CDH11: variants seen among roughly 807,000 people sequenced by gnomAD.
CDH11 encodes cadherin-11.
Under a neutral mutation model 67.8 loss-of-function variants are expected in CDH11, and 11 were observed. The observed-to-expected ratio is 0.16, with a 90% CI of 0.10 to 0.27. CDH11 has a LOEUF of 0.27. Ranked by LOEUF, CDH11 falls within the 10% of genes least tolerant of loss-of-function variation. CDH11 has a pLI of 1.00. For synonymous variants in CDH11, 419 were observed against 400.0 expected (o/e 1.05, Z -0.57); for missense variants, 847 against 1,031.2 (o/e 0.82, Z 2.45).
At chr16:65,058,038 C>T (rs13331791) in intron 1 of CDH11, among the ~76,000 whole-genome samples, 6,518 of 152,162 alleles carry the variant, frequency 0.043, 489 homozygotes, top group African/African-American at 0.15. Context: ...AGTTCAAGAC[C>T]AGCCTGGGCA....
At chr16:65,095,907 C>T (rs2074882067) in intron 1 of CDH11, among the ~76,000 whole-genome samples, 1 of 152,186 alleles carries the variant, frequency 6.6e-6, no homozygotes, top group African/African-American at 2.4e-5. Context: ...CTGCCTCTTC[C>T]ACTATTTGAG....
upstream of CDH11, chr16:65,122,151 G>GTTGT: frequency 4.2e-6 from 2 of 476,946 alleles, no homozygotes; most frequent in South Asian, 2.2e-5. Flanking sequence ...GGGGCGGGAG[G>GTTGT]AGGGAGGCTG....
At chr16:64,965,323 A>G (rs1413685579) in intron 11 of CDH11, among the ~76,000 whole-genome samples, 1 of 151,852 alleles carries the variant, frequency 6.6e-6, no homozygotes, top group East Asian at 1.9e-4. Context: ...TGGAGGCTAC[A>G]GTGAGCCGAG....
At chr16:64,983,481 G>T (rs2072408353) in intron 7 of CDH11, among the ~76,000 whole-genome samples, 1 of 152,184 alleles carries the variant, frequency 6.6e-6, no homozygotes, top group African/African-American at 2.4e-5. Flanking sequence ...CCATGCTGTT[G>T]TCATTTGCCT....
At chr16:64,948,646 A>T (rs751533850) in intron 12 of CDH11, 3 of 1,612,036 alleles carry the variant, frequency 1.9e-6, no homozygotes, top group Non-Finnish European at 2.5e-6. Context: ...CACCACATAG[A>T]GGAAAGGAAG....
chr16:64,988,491 G>A (rs555418411), intron 6 of CDH11, 147 bp from the exon 7 acceptor site: 5 of 692,666 alleles, frequency 7.2e-6, no homozygotes, highest in South Asian at 4.1e-5. Flanking sequence ...AGTGGATGTG[G>A]GGAGGAGGAT....
chr16:65,047,552 A>T (rs1021228811), intron 2 of CDH11, among the ~76,000 whole-genome samples: 7 of 151,904 alleles, frequency 4.6e-5, no homozygotes, highest in Non-Finnish European at 1.5e-5. Context: ...GGATTTCACC[A>T]TGTTGGCCAG....
intron 1 of CDH11, among the ~76,000 whole-genome samples, chr16:65,088,476 T>C (rs926965883): frequency 4.6e-5 from 7 of 152,200 alleles, no homozygotes; most frequent in African/African-American, 1.7e-4. Flanking sequence ...ACAATTTTCA[T>C]CATGCATCTG....
chr16:65,098,837 G>A (rs1269181423), intron 1 of CDH11, among the ~76,000 whole-genome samples: 1 of 152,156 alleles, frequency 6.6e-6, no homozygotes, highest in Non-Finnish European at 1.5e-5. Flanking sequence ...AGTATGCCAT[G>A]TGATTTGGTG....
At chr16:65,104,792 G>A (rs17510737) in intron 1 of CDH11, among the ~76,000 whole-genome samples, 18,448 of 152,124 alleles carry the variant, frequency 0.12, 1,293 homozygotes, top group East Asian at 0.2. Context: ...ATTATGGAGA[G>A]GATGTAAGAT....
chr16:64,990,201 T>G (rs911434557), intron 6 of CDH11, among the ~76,000 whole-genome samples: 1 of 152,218 alleles, frequency 6.6e-6, no homozygotes, highest in African/African-American at 2.4e-5. Flanking sequence ...CTAATAATTC[T>G]GCTTGACCTT....
intron 2 of CDH11, among the ~76,000 whole-genome samples, chr16:65,026,246 T>C (rs1294092529): frequency 6.6e-6 from 1 of 152,186 alleles, no homozygotes; most frequent in East Asian, 1.9e-4. Flanking sequence ...TTGCATACAT[T>C]TTCAGAAAAA....
chr16:64,946,837 A>G lies in CDH11; in HGVS notation c.*766T>C. On this transcript the variant is annotated 3_prime_UTR_variant, in exon 13 of 13. Transcript: ENST00000268603. ...GCTTCTTATATTGAAGCTCATATTA[A>G]AGCAACAGTACAATGTTCATAAAAT... The G allele has an allele frequency of 1.2e-6, 1 of 861,332 alleles. No individual in the cohort carries two copies. Among genetic ancestry groups the G allele is most frequent in the Non-Finnish European group, 1.4e-6 (1 of 705,738 alleles). 53.4% of individuals were successfully genotyped at this position (861,332 alleles called of 1,614,324 possible).
At chr16:65,013,762 G>C (rs1378257066) in intron 2 of CDH11, among the ~76,000 whole-genome samples, 1 of 152,044 alleles carries the variant, frequency 6.6e-6, no homozygotes, top group Non-Finnish European at 1.5e-5. Context: ...AGGAGGTGGA[G>C]GTTGCAGTGA....
chr16:64,969,873 C>A (rs954620296), intron 11 of CDH11, among the ~76,000 whole-genome samples: 12 of 152,102 alleles, frequency 7.9e-5, no homozygotes, highest in Non-Finnish European at 1.5e-4. Context: ...ATATGTGTGT[C>A]CCATGAGGGT....
chr16:65,002,171 T>G (rs1006788845), intron 3 of CDH11, among the ~76,000 whole-genome samples: 3 of 152,222 alleles, frequency 2.0e-5, no homozygotes, highest in African/African-American at 7.2e-5. Context: ...TTCATTCTCA[T>G]GTACCTAGCT....
intron 2 of CDH11, among the ~76,000 whole-genome samples, chr16:65,006,114 T>C (rs767416658): frequency 1.3e-5 from 2 of 152,190 alleles, no homozygotes; most frequent in Non-Finnish European, 2.9e-5. Context: ...TTCTCCTCTC[T>C]TAGAACCATA....
intron 2 of CDH11, among the ~76,000 whole-genome samples, chr16:65,046,263 AG>A (rs1409346385): frequency 6.6e-6 from 1 of 152,224 alleles, no homozygotes; most frequent in African/African-American, 2.4e-5. Context: ...ATTAGATTTC[AG>A]TTGGATTGCC....
chr16:65,121,440 T>C lies in CDH11; in HGVS notation c.-298+440A>G, dbSNP rs1319013602. ...AAGAACCCCGCAGAGCGCGGTCATG[T>C]CGCCGCTTTGGGGAAGCGGCGCAGG... On this transcript the variant is annotated intron_variant, in intron 1 of 12. Transcript: ENST00000268603. This position sits in a 1 kb window ranked among gnomAD's most constrained non-coding sequence, Gnocchi z 4.1. Among the ~76,000 whole-genome samples, 26 of 152,164 alleles carry C rather than the reference T, an allele frequency of 1.7e-4. No homozygotes were observed. The highest frequency in any genetic ancestry group is 4.4e-5 in the Non-Finnish European group (3 of 68,022).
Sources: gnomAD v4.1 joint callset for allele counts (sites outside exome capture counted in the v4.1 genomes callset) on GRCh38, gnomAD v4.1.1 for gene constraint, Gnocchi (gnomAD v3.1) non-coding constraint, MANE v1.5 for transcripts, NCBI Gene and HGNC (gene_info 2026-07-23, HGNC 2026-07-21) for gene names.